WDPCP: variants seen among roughly 807,000 people sequenced by gnomAD.
The protein encoded by WDPCP is WD repeat containing planar cell polarity effector.
Under a neutral mutation model 93.1 loss-of-function variants are expected in WDPCP, and 71 were observed. That is an observed-to-expected ratio of 0.76 (90% CI 0.63 to 0.93). The LOEUF (loss-of-function observed/expected upper bound fraction) is 0.93, where lower values mean the gene tolerates loss of function less well. Among genes scored for constraint, WDPCP ranks in the 40% least tolerant of loss-of-function variants. The probability of loss-of-function intolerance (pLI) is 0.00; values close to 1 mark genes in which losing one functional copy is unlikely to be tolerated. For synonymous variants in WDPCP, 315 were observed against 315.0 expected (o/e 1.00, Z 0.00); for missense variants, 844 against 887.4 (o/e 0.95, Z 0.62).
At chr2:63,477,685 C>T (rs554254769) in intron 6 of WDPCP, 1 of 152,350 alleles carries the variant, frequency 6.6e-6, no homozygotes, top group East Asian at 1.9e-4. Context: ...CCTGCAGGCC[C>T]TGGGAAACAG....
At chr2:63,698,493 C>T (rs1226536001) in intron 2 of WDPCP, among the ~76,000 whole-genome samples, 1 of 152,276 alleles carries the variant, frequency 6.6e-6, no homozygotes. Context: ...AATGTTGAAG[C>T]TGGCAGGGAC....
chr2:63,203,752 T>G (rs952659102), intron 14 of WDPCP, among the ~76,000 whole-genome samples: 2 of 152,184 alleles, frequency 1.3e-5, no homozygotes, highest in Non-Finnish European at 2.9e-5. Flanking sequence ...AGTTTGTCTT[T>G]CATCCTTCTA....
At chr2:63,534,505 A>G (rs1704113686) in intron 1 of WDPCP, among the ~76,000 whole-genome samples, 1 of 152,216 alleles carries the variant, frequency 6.6e-6, no homozygotes. Context: ...CAAAAAGCTT[A>G]TCCATGACAA....
chr2:63,472,908 A>T (rs1266591155), intron 6 of WDPCP, among the ~76,000 whole-genome samples: 1 of 152,212 alleles, frequency 6.6e-6, no homozygotes, highest in Non-Finnish European at 1.5e-5. Flanking sequence ...CCAGGATGCA[A>T]CATCTTCTCT....
At chr2:63,678,529 G>GA (rs779165621) in intron 2 of WDPCP, among the ~76,000 whole-genome samples, 2 of 152,164 alleles carry the variant, frequency 1.3e-5, no homozygotes, top group Non-Finnish European at 2.9e-5. Context: ...CTGCATGGGG[G>GA]ATAAGGTCAA....
At chr2:63,637,143 G>T (rs1361546152) in intron 3 of WDPCP, among the ~76,000 whole-genome samples, 1 of 152,112 alleles carries the variant, frequency 6.6e-6, no homozygotes, top group Non-Finnish European at 1.5e-5. Context: ...CATGAGGTCA[G>T]GAGTTCAAGA....
rs1464302803 is a variant in WDPCP at position 63,510,016 on chromosome 2, G to T, written c.76-17076C>A. 4.7e-5 allele frequency among the ~76,000 whole-genome samples: 7 copies of T among 150,146 alleles called. No individual in the cohort carries two copies. In the East Asian group the frequency reaches 1.3e-3, roughly 27 times the overall value. On this transcript the variant is annotated intron_variant, in intron 1 of 17. Transcript: ENST00000272321. ...CTACCAGAGGTACAAAGAGGAGCTGGTACCATTCCTTCTGAAACTATTCCA... is the reference window on the plus strand; with the variant it reads ...CTACCAGAGGTACAAAGAGGAGCTGTTACCATTCCTTCTGAAACTATTCCA...
chr2:63,815,705 G>A lies in WDPCP; in HGVS notation n.223-1998C>T, dbSNP rs895923456. ...GCAGCCCAGATGAATGGCTTTATTT[G>A]GTTGTTTATTAAGGAGCTGCATTTA... On this transcript the variant is annotated intron_variant and non_coding_transcript_variant, in intron 1 of 4. Coordinates refer to the WDPCP transcript ENST00000467687. 2.0e-5 allele frequency among the ~76,000 whole-genome samples: 3 copies of A among 152,118 alleles called. No homozygotes were observed. In the East Asian group the frequency reaches 5.8e-4, roughly 29 times the overall value.
Position 63,120,326 on chromosome 2 carries a change from C to G in WDPCP, c.*1680G>C, listed in dbSNP as rs1669480827. On this transcript the variant is annotated 3_prime_UTR_variant, in exon 18 of 18. Transcript: ENST00000272321. The stretch of plus-strand genomic sequence containing the variant: ...TATTAAAATTTTTTCAGAGCAATAA[C>G]AAAATGAAAAATCTAATTTGAGTTT... Among the ~76,000 whole-genome samples the G allele has an allele frequency of 6.6e-6, 1 of 151,960 alleles. No homozygotes were observed. Among genetic ancestry groups the G allele is most frequent in the Non-Finnish European group, 1.5e-5 (1 of 68,002 alleles).
intron 2 of WDPCP, among the ~76,000 whole-genome samples, chr2:63,778,533 C>T (rs1575770895): frequency 2.6e-5 from 4 of 152,156 alleles, no homozygotes; most frequent in South Asian, 2.1e-4. Flanking sequence ...TGAACTTCTT[C>T]CCATCCTACA....
intron 14 of WDPCP, among the ~76,000 whole-genome samples, chr2:63,214,898 T>C (rs1465262815): frequency 6.6e-6 from 1 of 152,100 alleles, no homozygotes; most frequent in Admixed American, 6.6e-5. Flanking sequence ...ATAAAATACC[T>C]AGGAATCCAA....
intron 2 of WDPCP, among the ~76,000 whole-genome samples, chr2:63,705,341 C>T (rs1291453737): frequency 1.3e-5 from 2 of 152,130 alleles, no homozygotes; most frequent in African/African-American, 4.8e-5. Flanking sequence ...CTTCTGCTAG[C>T]TTTTGAATGT....
intron 2 of WDPCP, among the ~76,000 whole-genome samples, chr2:63,733,183 ATTTTTTTT>A (rs70965141): frequency 3.2e-5 from 3 of 94,948 alleles, no homozygotes; most frequent in African/African-American, 9.0e-5. Context: ...CAAATAAATG[ATTTTTTTT>A]TTTTTTTTTT....
intron 14 of WDPCP, among the ~76,000 whole-genome samples, chr2:63,203,549 A>G (rs777151897): frequency 1.3e-5 from 2 of 151,908 alleles, no homozygotes; most frequent in South Asian, 2.1e-4. Flanking sequence ...ATGTACAACT[A>G]TTTTTTACCA....
intron 9 of WDPCP, among the ~76,000 whole-genome samples, chr2:63,426,246 AG>A (rs1378327992): frequency 1.3e-5 from 2 of 152,172 alleles, no homozygotes; most frequent in Admixed American, 6.5e-5. Flanking sequence ...AGTCTGAGGC[AG>A]GGGAATCGCT....
chr2:63,151,174 T>G (rs753753581), intron 17 of WDPCP, among the ~76,000 whole-genome samples: 6 of 152,232 alleles, frequency 3.9e-5, no homozygotes, highest in Non-Finnish European at 7.3e-5. Context: ...GTACACTTGT[T>G]TATCCAAGTG....
At chr2:63,823,142 TG>T (rs1403506881) in intron 1 of WDPCP, among the ~76,000 whole-genome samples, 1 of 150,964 alleles carries the variant, frequency 6.6e-6, no homozygotes, top group African/African-American at 2.4e-5. Context: ...CCTACTTTAC[TG>T]TTTGTAAATT....
At chr2:63,251,823 C>G (rs571351179) in intron 14 of WDPCP, among the ~76,000 whole-genome samples, 6 of 151,738 alleles carry the variant, frequency 4.0e-5, no homozygotes, top group African/African-American at 1.4e-4. Context: ...AAGCCCCGGA[C>G]CAGATGGATT....
At chr2:63,397,625 T>C (rs564379541) in intron 10 of WDPCP, among the ~76,000 whole-genome samples, 109 of 152,276 alleles carry the variant, frequency 7.2e-4, no homozygotes, top group Non-Finnish European at 1.4e-3. Flanking sequence ...TTTGGGATCA[T>C]AGAAGGCTGT....
Sources: allele counts gnomAD v4.1 joint callset (sites outside exome capture counted in the v4.1 genomes callset), GRCh38; gene constraint gnomAD v4.1.1; transcripts MANE v1.5; gene names NCBI Gene and HGNC (gene_info 2026-07-23, HGNC 2026-07-21).